The following XRCC4 variants were observed in gnomAD, a reference collection of about 807,000 sequenced individuals.
XRCC4 encodes X-ray repair cross complementing 4, also known as DNA repair protein XRCC4.
Under a neutral mutation model 39.1 loss-of-function variants are expected in XRCC4, and 28 were observed. That is an observed-to-expected ratio of 0.72 (90% confidence interval 0.53 to 0.98). XRCC4 has a LOEUF of 0.98. Ranked by LOEUF, XRCC4 falls within the 50% of genes least tolerant of loss-of-function variation. XRCC4 has a pLI of 0.00. For missense variants in XRCC4, 350 were observed against 376.4 expected, an observed-to-expected ratio of 0.93 and a Z score of 0.58; for synonymous variants, 123 against 126.4, an observed-to-expected ratio of 0.97 and a Z score of 0.18.
chr5:83,085,477 GA>G (rs779885581), intron 1 of XRCC4, among the ~76,000 whole-genome samples: 5 of 109,480 alleles, frequency 4.6e-5, no homozygotes, highest in Non-Finnish European at 7.6e-5. Context: ...AAATGTTTAT[GA>G]TTTTTTTTGT....
In XRCC4 at chr5:83,195,935, C is replaced by T. The variant is rs779773463; in HGVS notation, c.481C>T (p.Arg161Ter). The T allele has an allele frequency of 1.1e-5, 18 of 1,605,474 alleles. No individual in the cohort carries two copies. The highest frequency in any genetic ancestry group is 4.0e-5 in the African/African-American group (3 of 74,444). ...GAGAGATTGGAATGATGTTCAAGGA[C>T]GGTGTGTACACAGTTTGCTTGTGGT... ...LLRDWNDVQG[R>*]FEKCVSAKEA... The change falls in exon 4 of 8, where the codon CGA (arginine) becomes TGA (stop). Residue 161 changes from arginine (R) to a stop codon, truncating the protein, a stop_gained and splice_region_variant. Coordinates refer to ENST00000396027, the MANE Select transcript of XRCC4 (RefSeq NM_003401.5). LOFTEE classifies it high-confidence loss of function.
chr5:83,149,916 C>T lies in XRCC4; in HGVS notation c.315+38713C>T, dbSNP rs181315033. 5.9e-5 allele frequency among the ~76,000 whole-genome samples: 9 copies of T among 152,220 alleles called. No homozygotes were observed. The East Asian group carries it at 1.5e-3, about 26-fold the overall frequency. On this transcript the variant is annotated intron_variant, in intron 3 of 7. Transcript: ENST00000396027. ...AAACTACTACCACCTAAACAAATATCATCACCAGTTCTGTGACTCAGTGCT... is the reference window on the plus strand; with the variant it reads ...AAACTACTACCACCTAAACAAATATTATCACCAGTTCTGTGACTCAGTGCT...
At chr5:83,170,746 T>C (rs1749685080) in intron 3 of XRCC4, among the ~76,000 whole-genome samples, 1 of 150,672 alleles carries the variant, frequency 6.6e-6, no homozygotes. Flanking sequence ...TTTATTTAAG[T>C]CAGTTTTGCC....
At chr5:83,301,276 C>A (rs773457547) in intron 7 of XRCC4, among the ~76,000 whole-genome samples, 15 of 152,184 alleles carry the variant, frequency 9.9e-5, no homozygotes, top group Admixed American at 8.5e-4. Context: ...ACCATTCTTA[C>A]TGGCGTGAGA....
chr5:83,350,734 T>C (rs1405481638), intron 7 of XRCC4, among the ~76,000 whole-genome samples: 2 of 152,224 alleles, frequency 1.3e-5, no homozygotes, highest in Non-Finnish European at 2.9e-5. Context: ...ACTTTGTTGA[T>C]AGTTTCTTTT....
Position 83,353,278 on chromosome 5 carries a change from T to C in XRCC4, c.*36T>C. 1 of 1,446,228 alleles carries C rather than the reference T, an allele frequency of 6.9e-7. No individual in the cohort carries two copies. Among genetic ancestry groups the C allele is most frequent in the South Asian group, 1.3e-5 (1 of 79,982 alleles). 89.6% of individuals were successfully genotyped at this position (1,446,228 alleles called of 1,614,324 possible). A position where few individuals can be genotyped will look rare whatever the true frequency, so the allele number is the denominator to read the frequency against. Reference sequence around the variant, plus strand: ...AAATACTTTGATGTTCACTAGACTATGTTTTCTATTCATTTCTTTAAAATG... The same window carrying C: ...AAATACTTTGATGTTCACTAGACTACGTTTTCTATTCATTTCTTTAAAATG... On this transcript the variant is annotated 3_prime_UTR_variant, in exon 8 of 8. Transcript: ENST00000396027.
intron 1 of XRCC4, among the ~76,000 whole-genome samples, chr5:83,083,943 C>T (rs1340936120): frequency 6.6e-6 from 1 of 152,166 alleles, no homozygotes; most frequent in Non-Finnish European, 1.5e-5. Flanking sequence ...GTAAGTGCTG[C>T]TTTTCAGAGG....
At chr5:83,134,088 A>G (rs1747754758) in intron 3 of XRCC4, among the ~76,000 whole-genome samples, 1 of 152,154 alleles carries the variant, frequency 6.6e-6, no homozygotes, top group African/African-American at 2.4e-5. Context: ...GCTGAATCCC[A>G]TGCTTGGACC....
At chr5:83,134,247 G>T (rs898364877) in intron 3 of XRCC4, among the ~76,000 whole-genome samples, 1 of 152,110 alleles carries the variant, frequency 6.6e-6, no homozygotes, top group African/African-American at 2.4e-5. Flanking sequence ...CGCGGTGAGT[G>T]CCAGTGAGAG....
At chr5:83,366,685 T>C in the XRCC4 span, among the ~76,000 whole-genome samples, 1 of 152,146 alleles carries the variant, frequency 6.6e-6, no homozygotes, top group African/African-American at 2.4e-5. Flanking sequence ...CCCTGCCCTG[T>C]TTTCCCCTCT....
chr5:83,325,053 G>A (rs1176822771), intron 7 of XRCC4, among the ~76,000 whole-genome samples: 1 of 151,962 alleles, frequency 6.6e-6, no homozygotes, highest in Non-Finnish European at 1.5e-5. Context: ...TCTTTGGCAG[G>A]TAGGTGTCTC....
chr5:83,140,566 C>T (rs1018006969), intron 3 of XRCC4, among the ~76,000 whole-genome samples: 1 of 152,194 alleles, frequency 6.6e-6, no homozygotes, highest in Non-Finnish European at 1.5e-5. Flanking sequence ...TGCCAGCTAT[C>T]TAGGCATTCT....
chr5:83,091,059 A>G (rs1199253021), intron 1 of XRCC4, among the ~76,000 whole-genome samples: 3 of 152,178 alleles, frequency 2.0e-5, no homozygotes, highest in African/African-American at 2.4e-5. Context: ...ATTGTTAGCT[A>G]TGTTCAGCAT....
At chr5:83,296,343 C>G (rs1755093152) in intron 7 of XRCC4, among the ~76,000 whole-genome samples, 1 of 152,134 alleles carries the variant, frequency 6.6e-6, no homozygotes, top group Non-Finnish European at 1.5e-5. Flanking sequence ...CACAGTCTTT[C>G]ACTTTGAATA....
intron 4 of XRCC4, among the ~76,000 whole-genome samples, chr5:83,197,253 CAG>C (rs1212296583): frequency 6.6e-6 from 1 of 152,050 alleles, no homozygotes; most frequent in Non-Finnish European, 1.5e-5. Flanking sequence ...GAATCAGTAT[CAG>C]ATATCTGTAC....
At chr5:83,087,493 TC>T (rs1234786295) in intron 1 of XRCC4, among the ~76,000 whole-genome samples, 1 of 151,332 alleles carries the variant, frequency 6.6e-6, no homozygotes, top group African/African-American at 2.4e-5. Flanking sequence ...TGAAACCCCA[TC>T]TCTACTAAAA....
chr5:83,372,567 A>G, the XRCC4 span, among the ~76,000 whole-genome samples: 1 of 152,198 alleles, frequency 6.6e-6, no homozygotes, highest in Admixed American at 6.5e-5. Context: ...TTCAGTATGG[A>G]GAGACTAAAT....
chr5:83,324,983 G>A (rs1013348188), intron 7 of XRCC4, among the ~76,000 whole-genome samples: 3 of 152,080 alleles, frequency 2.0e-5, no homozygotes, highest in Non-Finnish European at 2.9e-5. Flanking sequence ...GCTACTTTGG[G>A]AACCCTTCAA....
At chr5:83,124,606 A>G (rs1389937601) in intron 3 of XRCC4, among the ~76,000 whole-genome samples, 6 of 152,186 alleles carry the variant, frequency 3.9e-5, no homozygotes, top group Non-Finnish European at 8.8e-5. Flanking sequence ...ACAGGTTTCC[A>G]TGTGAGCATA....
Sources: gnomAD v4.1 joint callset for allele counts (sites outside exome capture counted in the v4.1 genomes callset) on GRCh38, gnomAD v4.1.1 for gene constraint, MANE v1.5 for transcripts, NCBI Gene and HGNC (gene_info 2026-07-23, HGNC 2026-07-21) for gene names.